LRFN2: variants seen among roughly 807,000 people sequenced by gnomAD.
The protein encoded by LRFN2 is leucine-rich repeat and fibronectin type-III domain-containing protein 2.
A neutral mutation model predicts 37.3 loss-of-function variants in LRFN2; 18 were observed. The ratio of observed to expected loss-of-function variants is 0.48; its 90% CI spans 0.33 to 0.72. The LOEUF (loss-of-function observed/expected upper bound fraction) is 0.72. Among genes scored for constraint, LRFN2 ranks in the 30% least tolerant of loss-of-function variants. The pLI is 0.02. For synonymous variants in LRFN2, 556 were observed against 466.6 expected (o/e 1.19, Z -2.47); for missense variants, 1,006 against 1,060.7 (o/e 0.95, Z 0.72).
intron 1 of LRFN2, among the ~76,000 whole-genome samples, chr6:40,494,365 C>G (rs900536369): frequency 6.6e-6 from 1 of 152,130 alleles, no homozygotes; most frequent in Admixed American, 6.5e-5. Flanking sequence ...GCTTAGTTTC[C>G]CCACCCCCGT....
chr6:40,485,265 C>T (rs572644431), intron 1 of LRFN2, among the ~76,000 whole-genome samples: 1 of 152,308 alleles, frequency 6.6e-6, no homozygotes, highest in African/African-American at 2.4e-5. Flanking sequence ...CTTCCCCCTT[C>T]TCCCGGGCAT....
chr6:40,530,716 G>A (rs529769677), intron 1 of LRFN2, among the ~76,000 whole-genome samples: 15 of 152,004 alleles, frequency 9.9e-5, no homozygotes, highest in African/African-American at 2.7e-4. Flanking sequence ...CACAATGCCC[G>A]CTCTACTGAT....
intron 1 of LRFN2, among the ~76,000 whole-genome samples, chr6:40,529,435 C>A (rs1350105361): frequency 6.6e-6 from 1 of 152,238 alleles, no homozygotes; most frequent in Non-Finnish European, 1.5e-5. Flanking sequence ...ATGCTATCCA[C>A]ACTGTTTCCT....
chr6:40,532,938 T>C (rs951320469), intron 1 of LRFN2, among the ~76,000 whole-genome samples: 1 of 152,218 alleles, frequency 6.6e-6, no homozygotes, highest in Non-Finnish European at 1.5e-5. Flanking sequence ...TTAGTTCACC[T>C]GGACTATGGG....
intron 1 of LRFN2, among the ~76,000 whole-genome samples, chr6:40,569,168 G>C (rs773845336): frequency 1.3e-5 from 2 of 152,206 alleles, no homozygotes; most frequent in African/African-American, 4.8e-5. Flanking sequence ...TGGGAGGCAG[G>C]AAGCATGAGT....
chr6:40,431,619 AG>A, intron 2 of LRFN2, 94 bp downstream of exon 2: 1 of 1,066,758 alleles, frequency 9.4e-7, no homozygotes, highest in East Asian at 2.5e-5. Flanking sequence ...TTTGGGGAAG[AG>A]GGGTATAGGT....
intron 1 of LRFN2, among the ~76,000 whole-genome samples, chr6:40,462,030 G>A (rs1306609009): frequency 1.3e-5 from 2 of 152,142 alleles, no homozygotes; most frequent in East Asian, 1.9e-4. Flanking sequence ...TTAAGTTTGA[G>A]CAAATGCAAA....
intron 1 of LRFN2, among the ~76,000 whole-genome samples, chr6:40,524,757 T>C (rs762151243): frequency 4.6e-5 from 7 of 152,178 alleles, no homozygotes; most frequent in Non-Finnish European, 8.8e-5. Context: ...AATCAGGCCA[T>C]GACAGAAGCT....
At chr6:40,417,607 G>C (rs940562299) in intron 2 of LRFN2, among the ~76,000 whole-genome samples, 2 of 152,202 alleles carry the variant, frequency 1.3e-5, no homozygotes, top group African/African-American at 4.8e-5. Flanking sequence ...AGCTGGGTCA[G>C]TGATGGCGTG....
intron 1 of LRFN2, among the ~76,000 whole-genome samples, chr6:40,453,588 C>T (rs553750788): frequency 6.6e-6 from 1 of 151,498 alleles, no homozygotes; most frequent in African/African-American, 2.4e-5. Flanking sequence ...AACACACATA[C>T]CTCTCTTTGC....
intron 1 of LRFN2, among the ~76,000 whole-genome samples, chr6:40,575,321 A>T (rs1767259315): frequency 6.7e-6 from 1 of 149,908 alleles, no homozygotes; most frequent in South Asian, 2.3e-4. Context: ...GGCTGCAAGC[A>T]GCTTTGCCTC....
intron 2 of LRFN2, among the ~76,000 whole-genome samples, chr6:40,420,221 G>A (rs898387525): frequency 3.9e-5 from 6 of 152,168 alleles, no homozygotes; most frequent in Admixed American, 2.0e-4. Context: ...CATTCACCCC[G>A]GGGTGGCCCA....
At chr6:40,394,225 C>T (rs1581672102) in intron 2 of LRFN2, among the ~76,000 whole-genome samples, 1 of 152,112 alleles carries the variant, frequency 6.6e-6, no homozygotes, top group Admixed American at 6.5e-5. Flanking sequence ...TGGATGCACA[C>T]CCTGAACTCC....
At chr6:40,417,167 G>C (rs932115163) in intron 2 of LRFN2, among the ~76,000 whole-genome samples, 1 of 152,212 alleles carries the variant, frequency 6.6e-6, no homozygotes, top group African/African-American at 2.4e-5. Flanking sequence ...AAGCTTGAGG[G>C]AGGAGAGCAA....
rs145877806 is a variant in LRFN2, at chr6:40,534,630, C to T, written c.-19+52311G>A. ...TTCATAAAGATTTTATGAGACTTGGCTGAGAAAATACACACAGTGAGCTCA... is the reference window on the plus strand; with the variant it reads ...TTCATAAAGATTTTATGAGACTTGGTTGAGAAAATACACACAGTGAGCTCA... On this transcript the variant is annotated intron_variant, in intron 1 of 2. Transcript: ENST00000338305. Among the ~76,000 whole-genome samples, 803 of 152,270 alleles carry T rather than the reference C, an allele frequency of 5.3e-3. 21 individuals are homozygous for T. In the Middle Eastern group the frequency reaches 0.092, roughly 17 times the overall value.
chr6:40,483,514 C>A (rs1033721991), intron 1 of LRFN2, among the ~76,000 whole-genome samples: 1 of 152,230 alleles, frequency 6.6e-6, no homozygotes, highest in Non-Finnish European at 1.5e-5. Flanking sequence ...GCTACAAGAA[C>A]AACAATGGCA....
At chr6:40,441,464 G>A (rs867755344) in intron 1 of LRFN2, among the ~76,000 whole-genome samples, 8 of 152,256 alleles carry the variant, frequency 5.3e-5, no homozygotes, top group Middle Eastern at 6.8e-3. Context: ...GGTAAAGGAG[G>A]GCTGGATTTC....
chr6:40,538,819 C>G lies in LRFN2; in HGVS notation c.-19+48122G>C, dbSNP rs77199204. 2.6e-5 allele frequency among the ~76,000 whole-genome samples: 4 copies of G among 152,228 alleles called. 1 individual carries two copies. Among genetic ancestry groups the G allele is most frequent in the Admixed American group, 2.6e-4 (4 of 15,286 alleles). On this transcript the variant is annotated intron_variant, in intron 1 of 2. Coordinates refer to ENST00000338305, the MANE Select transcript of LRFN2 (RefSeq NM_020737.3). ...GGGGGAAGGAGGGCAGTGAGTCCTG[C>G]GAGCACAGTGTCAGATTCTGTCTTT... is the stretch of plus-strand genomic sequence containing the variant.
chr6:40,524,270 C>A (rs927889718), intron 1 of LRFN2, among the ~76,000 whole-genome samples: 2 of 152,158 alleles, frequency 1.3e-5, no homozygotes, highest in Non-Finnish European at 2.9e-5. Flanking sequence ...ATTCAGTTAT[C>A]CCCCTGCCTC....
Sources: gnomAD v4.1 joint callset for allele counts (sites outside exome capture counted in the v4.1 genomes callset) on GRCh38, gnomAD v4.1.1 for gene constraint, MANE v1.5 for transcripts, NCBI Gene and HGNC (gene_info 2026-07-23, HGNC 2026-07-21) for gene names.